The following DDX60L variants were observed in gnomAD, a reference collection of about 807,000 sequenced individuals.
The protein encoded by DDX60L is DExD/H-box 60 like, also known as probable ATP-dependent RNA helicase DDX60-like.
A neutral mutation model predicts 211.6 loss-of-function variants in DDX60L; 191 were observed. That is an observed-to-expected ratio of 0.90 (90% CI 0.80 to 1.02). The LOEUF (loss-of-function observed/expected upper bound fraction) is 1.02, where lower values mean the gene tolerates loss of function less well. Among genes scored for constraint, DDX60L ranks in the 50% least tolerant of loss-of-function variants. The pLI, the probability that DDX60L is intolerant of heterozygous loss-of-function variation, is 0.00. For synonymous variants in DDX60L, 706 were observed against 694.1 expected (o/e 1.02, Z -0.27); for missense variants, 2,007 against 1,984.1 (o/e 1.01, Z -0.22).
At chr4:168,384,945 T>A (rs1743603490) in intron 29 of DDX60L, 133 bp from the exon 30 acceptor site, 2 of 901,818 alleles carry the variant, frequency 2.2e-6, no homozygotes. Flanking sequence ...CTAATCTATG[T>A]TAACATGGCA....
At chr4:168,457,803 T>G (rs897328784) in intron 6 of DDX60L, 89 bp downstream of exon 6, 3 of 692,668 alleles carry the variant, frequency 4.3e-6, no homozygotes, top group African/African-American at 3.6e-5. Context: ...CACCCTTTAG[T>G]CTGGTCTAAG....
chr4:168,457,863 T>C, intron 6 of DDX60L, 29 bp downstream of exon 6: 2 of 1,392,242 alleles, frequency 1.4e-6, no homozygotes, highest in Non-Finnish European at 2.0e-6. Context: ...CTATCAAACT[T>C]TTATTTAAAG....
Position 168,449,652 on chromosome 4 carries a change from C to CAAAAA in DDX60L, c.997-878_997-874dup. 2.9e-3 allele frequency among the ~76,000 whole-genome samples: 23 copies of CAAAAA among 7,930 alleles called. 1 individual carries two copies. The highest frequency in any genetic ancestry group is 0.01 in the East Asian group (2 of 194). The allele number at this position is 7,930 out of a possible 152,430, so 5.2% of individuals were successfully genotyped here. On this transcript the variant is annotated intron_variant, in intron 8 of 37. Transcript: ENST00000682922. ...AACATTAAAACAAAAAAAAAAAATG[C>CAAAAA]AAAAAAAAAAAAAGAAAAAAGAAAA...
chr4:168,401,558 C>A (rs936360395), intron 25 of DDX60L, among the ~76,000 whole-genome samples: 22 of 152,228 alleles, frequency 1.4e-4, no homozygotes, highest in Non-Finnish European at 2.4e-4. Context: ...TCATATTTGG[C>A]TCGGAATAAA....
At chr4:168,362,540 A>C (rs1245727358) in intron 36 of DDX60L, among the ~76,000 whole-genome samples, 1 of 152,204 alleles carries the variant, frequency 6.6e-6, no homozygotes, top group African/African-American at 2.4e-5. Context: ...ACACTGAACC[A>C]AAATATTCCT....
intron 30 of DDX60L, among the ~76,000 whole-genome samples, chr4:168,383,438 A>C (rs1743305577): frequency 6.6e-6 from 1 of 152,210 alleles, no homozygotes; most frequent in African/African-American, 2.4e-5. Flanking sequence ...AGATTTTTAA[A>C]GGCAAAAGGG....
rs1760276153 is a variant in DDX60L at position 168,480,372 on chromosome 4, C to T, written c.-111+5G>A. ...GCGACACCCGACGTCACCCGCAATC[C>T]TCACCCCGGCCGCCGAACCTGCTAG... On this transcript the variant is annotated splice_donor_5th_base_variant and intron_variant, in intron 1 of 37. Coordinates refer to ENST00000682922, the MANE Select transcript of DDX60L (RefSeq NM_001012967.3). 1 of 152,506 alleles carries T rather than the reference C, an allele frequency of 6.6e-6. No individual in the cohort carries two copies. Among genetic ancestry groups the T allele is most frequent in the Non-Finnish European group, 1.5e-5 (1 of 68,328 alleles). The allele number at this position is 152,506 out of a possible 1,614,324, so 9.4% of individuals were successfully genotyped here.
chr4:168,421,799 C>T lies in DDX60L; in HGVS notation c.2355G>A (p.Glu785=), dbSNP rs1453700306. 1 of 1,614,222 alleles carries T rather than the reference C, an allele frequency of 6.2e-7. No homozygotes were observed. Among genetic ancestry groups the T allele is most frequent in the Non-Finnish European group, 8.5e-7 (1 of 1,180,034 alleles). The change falls in exon 17 of 38, where the codon GAG becomes GAA. Residue 785 remains glutamate, a synonymous_variant. Transcript: ENST00000682922. ...CGTACACAACCACCCCGACATCGCT[C>T]TCCCTCAGCACTTTCTCCATGCAGT... ...SYYCMEKVLR[E]SDVGVVVYVA...
rs145817433 is a variant in DDX60L at position 168,394,715 on chromosome 4, C to T, written c.3658-98G>A. On this transcript the variant is annotated intron_variant, in intron 27 of 37. Transcript: ENST00000682922. Reference sequence around the variant, plus strand: ...GACATTTTCACAAGCAAATCACTTACATCTTGCACACAGTGAGGCTGCCCT... The same window carrying T: ...GACATTTTCACAAGCAAATCACTTATATCTTGCACACAGTGAGGCTGCCCT... 241 of 1,123,420 alleles carry T rather than the reference C, an allele frequency of 2.1e-4. 1 individual carries two copies. In the African/African-American group the frequency reaches 3.4e-3, roughly 16 times the overall value. The allele number at this position is 1,123,420 out of a possible 1,614,324, so 69.6% of individuals were successfully genotyped here. A position where few individuals can be genotyped will look rare whatever the true frequency, so the allele number is the denominator to read the frequency against.
intron 26 of DDX60L, among the ~76,000 whole-genome samples, chr4:168,399,827 T>C (rs76780220): frequency 2.0e-5 from 3 of 152,200 alleles, no homozygotes; most frequent in African/African-American, 7.2e-5. Flanking sequence ...ACGATTGGTA[T>C]GGCAATTCAT....
intron 3 of DDX60L, 57 bp from the exon 4 acceptor site, chr4:168,471,993 C>T: frequency 1.4e-6 from 2 of 1,393,854 alleles, no homozygotes; most frequent in Non-Finnish European, 2.0e-6. Flanking sequence ...GACTTTGTTG[C>T]TGTTGTTGTT....
chr4:168,476,585 T>C (rs965464144), intron 1 of DDX60L, among the ~76,000 whole-genome samples: 2 of 152,176 alleles, frequency 1.3e-5, no homozygotes, highest in Non-Finnish European at 2.9e-5. Context: ...ATCCTATAGA[T>C]TAAAAAGCAA....
intron 28 of DDX60L, 87 bp downstream of exon 28, chr4:168,394,378 C>T: frequency 9.3e-7 from 1 of 1,074,168 alleles, no homozygotes; most frequent in Non-Finnish European, 1.3e-6. Flanking sequence ...ATGAGAAAAC[C>T]AACTGGTATA....
intron 36 of DDX60L, among the ~76,000 whole-genome samples, chr4:168,368,326 G>A (rs1378568250): frequency 6.6e-6 from 1 of 152,232 alleles, no homozygotes; most frequent in Non-Finnish European, 1.5e-5. Context: ...GCTCCAAAGG[G>A]TGCAAGCCCC....
intron 16 of DDX60L, 77 bp from the exon 17 acceptor site, chr4:168,421,986 CT>C (rs1283006763): frequency 6.4e-7 from 1 of 1,566,224 alleles, no homozygotes; most frequent in African/African-American, 1.3e-5. Context: ...TCCTTTGTAC[CT>C]TCTGTCTCCT....
intron 4 of DDX60L, chr4:168,469,783 C>G (rs1276650790): frequency 6.6e-6 from 1 of 152,220 alleles, no homozygotes; most frequent in Non-Finnish European, 1.5e-5. Context: ...GAGGCTGAGG[C>G]AGGAGAATGG....
At chr4:168,455,664 G>A (rs556103403) in intron 7 of DDX60L, among the ~76,000 whole-genome samples, 3 of 152,118 alleles carry the variant, frequency 2.0e-5, no homozygotes, top group Non-Finnish European at 4.4e-5. Flanking sequence ...GAAACACAGC[G>A]TATAGTGGGG....
intron 13 of DDX60L, among the ~76,000 whole-genome samples, chr4:168,429,735 G>T (rs558645110): frequency 6.6e-6 from 1 of 152,178 alleles, no homozygotes; most frequent in Non-Finnish European, 1.5e-5. Flanking sequence ...TGGGGAGGGG[G>T]TTTCCGATAA....
At chr4:168,396,180 C>T (rs1745753285) in intron 26 of DDX60L, 56 bp from the exon 27 acceptor site, 1 of 1,080,926 alleles carries the variant, frequency 9.3e-7, no homozygotes, top group South Asian at 1.9e-5. Flanking sequence ...TATTCAGTTA[C>T]TGCAAGAAGC....
Sources: allele counts gnomAD v4.1 joint callset (sites outside exome capture counted in the v4.1 genomes callset), GRCh38; gene constraint gnomAD v4.1.1; transcripts MANE v1.5; gene names NCBI Gene and HGNC (gene_info 2026-07-23, HGNC 2026-07-21).